Variants in NXPH1 observed in about 807,000 individuals in gnomAD.
The protein encoded by NXPH1 is neurexophilin-1.
NXPH1 carries 5 observed loss-of-function variants against 23.7 expected under a neutral mutation model. The observed-to-expected ratio is 0.21, with a 90% CI of 0.11 to 0.44. The LOEUF is 0.44. Among genes scored for constraint, NXPH1 ranks in the 20% least tolerant of loss-of-function variants. The probability of loss-of-function intolerance (pLI) is 0.99; values close to 1 mark genes in which losing one functional copy is unlikely to be tolerated. For synonymous variants in NXPH1, 144 were observed against 122.2 expected (o/e 1.18, Z -1.18); for missense variants, 324 against 321.6 (o/e 1.01, Z -0.06).
intron 2 of NXPH1, among the ~76,000 whole-genome samples, chr7:8,584,982 G>C (rs1256724786): frequency 6.6e-6 from 1 of 152,032 alleles, no homozygotes; most frequent in Non-Finnish European, 1.5e-5. Context: ...TTGACTTAAG[G>C]CCTCTCTACA....
intron 2 of NXPH1, among the ~76,000 whole-genome samples, chr7:8,708,120 C>T (rs1265472954): frequency 6.6e-6 from 1 of 152,130 alleles, no homozygotes; most frequent in East Asian, 1.9e-4. Flanking sequence ...TTTGGAATCA[C>T]TATAGTGACA....
intron 2 of NXPH1, among the ~76,000 whole-genome samples, chr7:8,470,253 T>C (rs1816851338): frequency 6.6e-6 from 1 of 152,154 alleles, no homozygotes. Context: ...CTACATTGAC[T>C]ATTAAGTTGG....
Position 8,710,640 on chromosome 7 carries a change from G to GGTTTTTTTTTTTTT in NXPH1, c.55-40368_55-40367insGTTTTTTTTTTTTT. ...TTGAACAAAGCATGTCAACTGTTAC[G>GGTTTTTTTTTTTTT]TTTTTTGTTTTTTTTTTTTTTTTTT... On this transcript the variant is annotated intron_variant, in intron 2 of 2. Coordinates refer to ENST00000405863, the MANE Select transcript of NXPH1 (RefSeq NM_152745.3). Among the ~76,000 whole-genome samples, 6 of 27,672 alleles carry GGTTTTTTTTTTTTT rather than the reference G, an allele frequency of 2.2e-4. 3 individuals are homozygous for GGTTTTTTTTTTTTT. The allele number at this position is 27,672 out of a possible 152,430, so 18.2% of individuals were successfully genotyped here.
At chr7:8,525,265 TGA>T (rs1190412216) in intron 2 of NXPH1, among the ~76,000 whole-genome samples, 1 of 152,120 alleles carries the variant, frequency 6.6e-6, no homozygotes, top group Non-Finnish European at 1.5e-5. Flanking sequence ...ACTTTGAACT[TGA>T]GAGAGATGAT....
intron 2 of NXPH1, among the ~76,000 whole-genome samples, chr7:8,441,489 G>A (rs1235783617): frequency 6.6e-6 from 1 of 152,130 alleles, no homozygotes; most frequent in Non-Finnish European, 1.5e-5. Context: ...AGCTTGGCAA[G>A]CACTTAATCA....
At chr7:8,684,244 G>A (rs1406834350) in intron 2 of NXPH1, among the ~76,000 whole-genome samples, 14 of 152,138 alleles carry the variant, frequency 9.2e-5, no homozygotes, top group Admixed American at 2.6e-4. Flanking sequence ...CTGCCCGTGA[G>A]GCACCTTTGC....
chr7:8,455,153 A>T (rs1306699969), intron 2 of NXPH1, among the ~76,000 whole-genome samples: 5 of 151,886 alleles, frequency 3.3e-5, no homozygotes, highest in Non-Finnish European at 5.9e-5. Context: ...TGCCATATGA[A>T]TCAATGAATT....
chr7:8,516,249 C>T (rs17150210), intron 2 of NXPH1, among the ~76,000 whole-genome samples: 94,933 of 151,794 alleles, frequency 0.63, 29,719 homozygotes, highest in East Asian at 0.69. Flanking sequence ...TCTTTCCTCC[C>T]GCCTCCGCAA....
intron 2 of NXPH1, among the ~76,000 whole-genome samples, chr7:8,549,593 C>T (rs150653037): frequency 6.6e-6 from 1 of 151,580 alleles, no homozygotes; most frequent in African/African-American, 2.4e-5. Context: ...TAAACAGACC[C>T]AGCCCCCAAT....
intron 2 of NXPH1, among the ~76,000 whole-genome samples, chr7:8,676,154 C>T (rs1209944363): frequency 1.3e-5 from 2 of 152,174 alleles, no homozygotes; most frequent in Non-Finnish European, 2.9e-5. Context: ...ACTTTACACA[C>T]AGCCTTGAAA....
intron 2 of NXPH1, among the ~76,000 whole-genome samples, chr7:8,655,446 C>CTT (rs1820562535): frequency 1.6e-5 from 1 of 60,970 alleles, no homozygotes; most frequent in African/African-American, 5.4e-5. Context: ...CTCTCTCTCT[C>CTT]TCTATACACA....
chr7:8,687,850 C>T (rs1821170866), intron 2 of NXPH1, among the ~76,000 whole-genome samples: 1 of 152,028 alleles, frequency 6.6e-6, no homozygotes, highest in African/African-American at 2.4e-5. Flanking sequence ...AGAAATAAGC[C>T]TTTTGGTCAG....
intron 2 of NXPH1, among the ~76,000 whole-genome samples, chr7:8,506,535 A>G (rs1817526148): frequency 6.6e-6 from 1 of 152,102 alleles, no homozygotes; most frequent in South Asian, 2.1e-4. Flanking sequence ...CAGACTATTA[A>G]TGAGTAAAGA....
intron 2 of NXPH1, among the ~76,000 whole-genome samples, chr7:8,740,471 G>A (rs1180967256): frequency 6.6e-6 from 1 of 152,162 alleles, no homozygotes; most frequent in Non-Finnish European, 1.5e-5. Flanking sequence ...TGGATAAAAT[G>A]TGGCTCTAAG....
At chr7:8,446,193 G>A (rs964721960) in intron 2 of NXPH1, among the ~76,000 whole-genome samples, 6 of 152,164 alleles carry the variant, frequency 3.9e-5, no homozygotes, top group Non-Finnish European at 8.8e-5. Flanking sequence ...TGATTGTTTT[G>A]AGTGAGTTTG....
At chr7:8,719,642 T>C (rs1350977542) in intron 2 of NXPH1, among the ~76,000 whole-genome samples, 1 of 152,144 alleles carries the variant, frequency 6.6e-6, no homozygotes, top group African/African-American at 2.4e-5. Flanking sequence ...TTTAGGCAGT[T>C]CCCATAAAAA....
intron 2 of NXPH1, among the ~76,000 whole-genome samples, chr7:8,533,074 T>C (rs1051664266): frequency 6.6e-6 from 1 of 152,124 alleles, no homozygotes; most frequent in African/African-American, 2.4e-5. Context: ...ACTTATTTTA[T>C]AGTTGAGAAA....
chr7:8,650,688 A>G (rs1336522396), intron 2 of NXPH1, among the ~76,000 whole-genome samples: 1 of 152,162 alleles, frequency 6.6e-6, no homozygotes, highest in African/African-American at 2.4e-5. Context: ...CCACATGGCA[A>G]CTGTCTCTCA....
At chr7:8,562,562 T>C (rs970407568) in intron 2 of NXPH1, among the ~76,000 whole-genome samples, 7 of 151,732 alleles carry the variant, frequency 4.6e-5, no homozygotes, top group African/African-American at 1.4e-4. Context: ...CTTTCTTAAA[T>C]GTGATTTTTA....
Sources: gnomAD v4.1 joint callset for allele counts (sites outside exome capture counted in the v4.1 genomes callset) on GRCh38, gnomAD v4.1.1 for gene constraint, MANE v1.5 for transcripts, NCBI Gene and HGNC (gene_info 2026-07-23, HGNC 2026-07-21) for gene names.